RASAL3: variants seen among roughly 807,000 people sequenced by gnomAD.
RASAL3 encodes the protein RAS protein activator like-3.
A neutral mutation model predicts 105.5 loss-of-function variants in RASAL3; 74 were observed. That is an observed-to-expected ratio of 0.70 (90% CI 0.58 to 0.85). The LOEUF is 0.85. Among genes scored for constraint, RASAL3 ranks in the 40% least tolerant of loss-of-function variants. The pLI is 0.00. For synonymous variants in RASAL3, 579 were observed against 591.6 expected (o/e 0.98, Z 0.31); for missense variants, 1,352 against 1,392.0 (o/e 0.97, Z 0.46).
Position 15,454,760 on chromosome 19 carries a change from C to A in RASAL3, c.1855G>T (p.Ala619Ser), listed in dbSNP as rs1442385665. The change falls in exon 12 of 18, where the codon GCA becomes TCA. Residue 619 changes from alanine to serine, a missense_variant. Physicochemically the swap from Ala to Ser is moderately conservative, Grantham distance 99. Transcript: ENST00000343625. Reference sequence around the variant, plus strand: ...GGTGCCAAACCAAAGAGGCTGGGTGCCAGGATGGCAGGGCACAGGAGCCGC... The same window carrying A: ...GGTGCCAAACCAAAGAGGCTGGGTGACAGGATGGCAGGGCACAGGAGCCGC... The part of the protein sequence containing the change: ...FLRLLCPAIL[A>S]PSLFGLAPDH... The A allele has an allele frequency of 6.2e-7, 1 of 1,605,884 alleles. No homozygotes were observed. Among genetic ancestry groups the A allele is most frequent in the Non-Finnish European group, 8.5e-7 (1 of 1,176,434 alleles).
Position 15,458,485 on chromosome 19 carries a change from G to A in RASAL3, c.789+44C>T, listed in dbSNP as rs1478030984. 2.5e-6 allele frequency: 4 copies of A among 1,613,736 alleles called. No homozygotes were observed. The Admixed American group carries it at 6.7e-5, about 27-fold the overall frequency. On this transcript the variant is annotated intron_variant, in intron 7 of 17. Coordinates refer to ENST00000343625, the MANE Select transcript of RASAL3 (RefSeq NM_022904.3). ...GGCCAAGGGTGAAGCCAAAGGGTGG[G>A]AGGTGGGACTGAGGTGGAATCGAGG...
chr19:15,458,656 C>T lies in RASAL3; in HGVS notation c.663-1G>A. ...CCTAGAGCCCAGAGCACTGGGGGGTCTGGGAAGGGGGTGGGTGAGCACACC... is the reference window on the plus strand; with the variant it reads ...CCTAGAGCCCAGAGCACTGGGGGGTTTGGGAAGGGGGTGGGTGAGCACACC... On this transcript the variant is annotated splice_acceptor_variant, in intron 6 of 17. Transcript: ENST00000343625. LOFTEE classifies it high-confidence loss of function. The T allele has an allele frequency of 6.2e-7, 1 of 1,612,606 alleles. No homozygotes were observed.
Position 15,451,952 on chromosome 19 carries a change from G to T in RASAL3, c.2893-14C>A. ...TAGGCGGTGCTCCTGGGGAGGCAGT[G>T]GTGATGGGGTTCAGAAACCAGGAGA... On this transcript the variant is annotated splice_polypyrimidine_tract_variant and intron_variant, in intron 17 of 17. Transcript: ENST00000343625. The T allele has an allele frequency of 1.2e-6, 2 of 1,611,452 alleles. No individual in the cohort carries two copies. Among genetic ancestry groups the T allele is most frequent in the Non-Finnish European group, 8.5e-7 (1 of 1,177,904 alleles).
chr19:15,452,012 A>C, intron 17 of RASAL3, 33 bp downstream of exon 17: 2 of 1,613,898 alleles, frequency 1.2e-6, no homozygotes, highest in Non-Finnish European at 1.7e-6. Flanking sequence ...TCCACCGCCC[A>C]GACCTGCCCC....
Position 15,461,230 on chromosome 19 carries a change from A to G in RASAL3, c.532T>C (p.Phe178Leu). 1 of 1,613,824 alleles carries G rather than the reference A, an allele frequency of 6.2e-7. No individual in the cohort carries two copies. Among genetic ancestry groups the G allele is most frequent in the Non-Finnish European group, 8.5e-7 (1 of 1,179,838 alleles). Residue 178 changes from phenylalanine to leucine, a missense_variant, in exon 4 of 18, where the codon TTC (phenylalanine) becomes CTC (leucine). This residue lies in a region of RASAL3 where 344 missense variants were observed against 339.6 expected (regional missense o/e 1.01). Transcript: ENST00000343625. Reference protein sequence around the residue: ...EGSIHVAMGNFRDPDRMPGKT... With the variant: ...EGSIHVAMGNLRDPDRMPGKT... ...CCCTCAAGCTTACCTGGATCCCTGA[A>G]GTTCCCCATGGCCACGTGGATGCTG...
At position 15,457,441 on chromosome 19, in the gene RASAL3, G is replaced by A; in HGVS notation, c.1282C>T (p.Pro428Ser). 1.4e-6 allele frequency: 2 copies of A among 1,418,268 alleles called. No individual in the cohort carries two copies. Among genetic ancestry groups the A allele is most frequent in the Non-Finnish European group, 1.8e-6 (2 of 1,087,954 alleles). 87.9% of individuals were successfully genotyped at this position (1,418,268 alleles called of 1,614,324 possible). A position where few individuals can be genotyped will look rare whatever the true frequency, so the allele number is the denominator to read the frequency against. The change falls in exon 9 of 18, where the codon CCG becomes TCG. Residue 428 changes from proline to serine, a missense_variant. Transcript: ENST00000343625. This position sits in a 1 kb window ranked among gnomAD's most constrained non-coding sequence, Gnocchi z 8.6. ...RIRARRLRVL[P>S]SERYKELAEF... ...GCCAGCTCCTTGTAGCGCTCGGACG[G>A]CAGCACGCGCAGGCGACGCGCCCGA... is the stretch of plus-strand genomic sequence containing the variant.
At position 15,457,444 on chromosome 19, in the gene RASAL3, G is replaced by A. The variant is rs1271399644; in HGVS notation, c.1279C>T (p.Leu427=). 2.8e-6 allele frequency: 4 copies of A among 1,414,028 alleles called. No individual in the cohort carries two copies. The highest frequency in any genetic ancestry group is 3.7e-6 in the Non-Finnish European group (4 of 1,085,952). 87.6% of individuals were successfully genotyped at this position (1,414,028 alleles called of 1,614,324 possible). The change falls in exon 9 of 18, where the codon CTG becomes TTG. Residue 427 remains leucine (L), a synonymous_variant. Coordinates refer to ENST00000343625, the MANE Select transcript of RASAL3 (RefSeq NM_022904.3). The surrounding 1 kb of genome is among the most constrained non-coding windows in gnomAD (Gnocchi z 8.6). ...ARIRARRLRV[L]PSERYKELAE... ...AGCTCCTTGTAGCGCTCGGACGGCA[G>A]CACGCGCAGGCGACGCGCCCGAATC... is the stretch of plus-strand genomic sequence containing the variant.
chr19:15,464,195 G>A lies in RASAL3; in HGVS notation c.164C>T (p.Pro55Leu). Residue 55 changes from proline to leucine, a missense_variant, in exon 2 of 18, where the codon CCC (proline) becomes CTC (leucine). Pro to Leu is a moderately conservative substitution (Grantham distance 98). Coordinates refer to ENST00000343625, the MANE Select transcript of RASAL3 (RefSeq NM_022904.3). ...GWGRALSHQE[P>L]MVSTQPAPRS... is the part of the protein sequence containing the mutation. Reference sequence around the variant, plus strand: ...AGGGGCTGGCTGGGTGCTGACCATGGGCTCCTGGTGGCTCAGGGCCCTGCC... The same window carrying A: ...AGGGGCTGGCTGGGTGCTGACCATGAGCTCCTGGTGGCTCAGGGCCCTGCC... 6.2e-7 allele frequency: 1 copy of A among 1,611,512 alleles called. No individual in the cohort carries two copies.
chr19:15,456,674 C>G lies in RASAL3; in HGVS notation c.1432-28G>C. On this transcript the variant is annotated intron_variant, in intron 9 of 17. Transcript: ENST00000343625. The surrounding 1 kb of genome is among the most constrained non-coding windows in gnomAD (Gnocchi z 4.4). The stretch of plus-strand genomic sequence containing the variant: ...AGGAAGGGCAGGAGGTCAGGTTGCA[C>G]CAGATGCAGACAGAGTCCAAGGGAA... The G allele has an allele frequency of 6.2e-7, 1 of 1,605,076 alleles. No homozygotes were observed. The highest frequency in any genetic ancestry group is 8.5e-7 in the Non-Finnish European group (1 of 1,177,752).
At chr19:15,452,942 T>A (rs1970205021) in intron 15 of RASAL3, 127 bp from the exon 16 acceptor site, 1 of 1,457,092 alleles carries the variant, frequency 6.9e-7, no homozygotes, top group South Asian at 1.3e-5. Context: ...ACATCCCTCC[T>A]GCGGTACAGC....
intron 1 of RASAL3, 41 bp from the exon 2 acceptor site, chr19:15,464,418 C>T: frequency 6.6e-7 from 1 of 1,518,446 alleles, no homozygotes; most frequent in South Asian, 1.2e-5. Flanking sequence ...AGTGTCTGTC[C>T]ACATACTGCC....
At chr19:15,460,977 C>T in intron 5 of RASAL3, 83 bp downstream of exon 5, 1 of 1,304,650 alleles carries the variant, frequency 7.7e-7, no homozygotes, top group Non-Finnish European at 1.1e-6. Context: ...CTCCAGATCA[C>T]CCAGCAAGAG....
intron 5 of RASAL3, 23 bp from the exon 6 acceptor site, chr19:15,460,281 T>C (rs1356441973): frequency 6.3e-7 from 1 of 1,597,976 alleles, no homozygotes; most frequent in Non-Finnish European, 8.5e-7. Flanking sequence ...GAATGTCAGC[T>C]GGACAGAAAT....
intron 5 of RASAL3, 142 bp downstream of exon 5, chr19:15,460,918 T>C (rs1485762647): frequency 2.7e-6 from 2 of 741,306 alleles, no homozygotes; most frequent in East Asian, 5.4e-5. Context: ...TTTCATTAGC[T>C]TCATTTGACA....
At position 15,452,797 on chromosome 19, in the gene RASAL3, C is replaced by T. The variant is rs1188458733; in HGVS notation, c.2689G>A (p.Glu897Lys). ...PVNKLAELQC[E>K]VAALREEQKV... ...TGCTCCTCACGCAGAGCGGCCACCTCGCACTGCAGCTCTGCCAACTGTGGT... is the reference window on the plus strand; with the variant it reads ...TGCTCCTCACGCAGAGCGGCCACCTTGCACTGCAGCTCTGCCAACTGTGGT... The change falls in exon 16 of 18, where the codon GAG (glutamate) becomes AAG (lysine). Residue 897 changes from glutamate to lysine, a missense_variant. Physicochemically the swap from Glu to Lys is moderately conservative, Grantham distance 56. Transcript: ENST00000343625. 3 of 1,558,892 alleles carry T rather than the reference C, an allele frequency of 1.9e-6. No individual in the cohort carries two copies. Among genetic ancestry groups the T allele is most frequent in the Non-Finnish European group, 1.7e-6 (2 of 1,150,942 alleles).
chr19:15,458,756 G>C lies in RASAL3; in HGVS notation c.663-101C>G, dbSNP rs914449834. On this transcript the variant is annotated intron_variant, in intron 6 of 17. Transcript: ENST00000343625. ...GCCAGGAAGGACTTCAACCCAATTC[G>C]GATCCCGTTTCTCCCCCGTGCCCCC... The C allele has an allele frequency of 8.3e-6, 12 of 1,450,360 alleles. No homozygotes were observed. In the African/African-American group the frequency reaches 1.7e-4, roughly 20 times the overall value. The allele number at this position is 1,450,360 out of a possible 1,614,324, so 89.8% of individuals were successfully genotyped here. A position where few individuals can be genotyped will look rare whatever the true frequency, so the allele number is the denominator to read the frequency against.
Position 15,452,053 on chromosome 19 carries a change from T to C in RASAL3, c.2884A>G (p.Lys962Glu). Reference sequence around the variant, plus strand: ...TCAGATGGCAATCTCACCAGGTTTTTCAGACTGTGCCCTTCATTGCTTGTT... The same window carrying C: ...TCAGATGGCAATCTCACCAGGTTTTCCAGACTGTGCCCTTCATTGCTTGTT... ...NLTSNEGHSL[K>E]NLEHRLNEME... Residue 962 changes from lysine (K) to glutamate (E), a missense_variant, in exon 17 of 18, where the codon AAA (lysine) becomes GAA (glutamate). Physicochemically the swap from Lys to Glu is moderately conservative, Grantham distance 56. Coordinates refer to ENST00000343625, the MANE Select transcript of RASAL3 (RefSeq NM_022904.3). The C allele has an allele frequency of 6.2e-7, 1 of 1,613,960 alleles. No individual in the cohort carries two copies. Among genetic ancestry groups the C allele is most frequent in the Non-Finnish European group, 8.5e-7 (1 of 1,179,858 alleles).
At position 15,453,230 on chromosome 19, in the gene RASAL3, G is replaced by T; in HGVS notation, c.2547C>A (p.Arg849=). 6.3e-7 allele frequency: 1 copy of T among 1,598,480 alleles called. No homozygotes were observed. ...KGSLSMGPAP[R]ARPWTRDSAS... ...CGGAGTCCCGGGTCCAAGGCCGGGC[G>T]CGGGGCGCTGGTCCCATGCTCAGGG... The change falls in exon 15 of 18, where the codon CGC becomes CGA. Residue 849 remains arginine, a synonymous_variant. Transcript: ENST00000343625. The surrounding 1 kb of genome is among the most constrained non-coding windows in gnomAD (Gnocchi z 4.2).
Position 15,451,893 on chromosome 19 carries a change from C to T in RASAL3, c.2938G>A (p.Asp980Asn), listed in dbSNP as rs532031989. 1.5e-5 allele frequency: 24 copies of T among 1,608,816 alleles called. No individual in the cohort carries two copies. The South Asian group carries it at 2.6e-4, about 18-fold the overall frequency. ...EMERTQAQLR[D>N]AVQSLQLSPR... ...GAAAGCTGCAGGCTCTGGACAGCAT[C>T]CCTCAGCTGAGCCTGAGTTCTCTCC... Residue 980 changes from aspartate (D) to asparagine (N), a missense_variant, in exon 18 of 18, where the codon GAT becomes AAT. Asp to Asn is a conservative substitution (Grantham distance 23). Transcript: ENST00000343625.
Sources: gnomAD v4.1 joint callset for allele counts on GRCh38, gnomAD v4.1.1 for gene constraint, gnomAD v4.1.1 regional missense constraint, Gnocchi (gnomAD v3.1) non-coding constraint, MANE v1.5 for transcripts, NCBI Gene and HGNC (gene_info 2026-07-23, HGNC 2026-07-21) for gene names.